The following ADAMTS20 variants were observed in gnomAD, a reference collection of about 807,000 sequenced individuals.
ADAMTS20 encodes A disintegrin and metalloproteinase with thrombospondin motifs 20.
ADAMTS20 carries 225 observed loss-of-function variants against 260.1 expected under a neutral mutation model. The observed-to-expected ratio is 0.87, with a 90% CI of 0.78 to 0.97. The LOEUF is 0.97. Among genes scored for constraint, ADAMTS20 ranks in the 50% least tolerant of loss-of-function variants. The pLI is 0.00. For synonymous variants in ADAMTS20, 802 were observed against 769.5 expected (o/e 1.04, Z -0.70); for missense variants, 2,400 against 2,337.7 (o/e 1.03, Z -0.55).
At chr12:43,507,145 T>C (rs774501913) in intron 3 of ADAMTS20, among the ~76,000 whole-genome samples, 5 of 152,208 alleles carry the variant, frequency 3.3e-5, no homozygotes, top group Non-Finnish European at 4.4e-5. Context: ...TGTGAGGTGA[T>C]GATGTGTTAA....
intron 14 of ADAMTS20, among the ~76,000 whole-genome samples, chr12:43,449,016 AC>A (rs1358622367): frequency 6.6e-6 from 1 of 152,176 alleles, no homozygotes; most frequent in African/African-American, 2.4e-5. Context: ...AGAAAAGAGA[AC>A]GGTTATACAC....
At chr12:43,455,324 A>G (rs1469117260) in intron 11 of ADAMTS20, among the ~76,000 whole-genome samples, 1 of 152,226 alleles carries the variant, frequency 6.6e-6, no homozygotes, top group Non-Finnish European at 1.5e-5. Flanking sequence ...ACAGAAATTC[A>G]TTTCCCACAG....
chr12:43,493,348 G>A (rs564860073), intron 4 of ADAMTS20, 95 bp from the exon 5 acceptor site: 36 of 834,262 alleles, frequency 4.3e-5, no homozygotes, highest in South Asian at 3.9e-4. Context: ...TTCTCTAATT[G>A]CACTGCACGT....
chr12:43,481,571 C>A (rs1221216516), intron 7 of ADAMTS20, among the ~76,000 whole-genome samples: 2 of 151,992 alleles, frequency 1.3e-5, no homozygotes, highest in Admixed American at 6.6e-5. Context: ...ACATAACAAT[C>A]AAAAAGAATC....
At chr12:43,410,345 T>C (rs1379292624) in intron 28 of ADAMTS20, among the ~76,000 whole-genome samples, 2 of 152,084 alleles carry the variant, frequency 1.3e-5, no homozygotes. Flanking sequence ...AGAAAAACCA[T>C]TCATGGAGAT....
intron 31 of ADAMTS20, among the ~76,000 whole-genome samples, chr12:43,378,231 A>G (rs1940273024): frequency 6.6e-6 from 1 of 152,216 alleles, no homozygotes; most frequent in Non-Finnish European, 1.5e-5. Context: ...ACAAAGTGAC[A>G]CTATAAAATC....
At chr12:43,408,657 TTAA>T (rs1940964870) in intron 28 of ADAMTS20, among the ~76,000 whole-genome samples, 1 of 152,174 alleles carries the variant, frequency 6.6e-6, no homozygotes, top group Non-Finnish European at 1.5e-5. Flanking sequence ...ACTGCACATA[TTAA>T]TGTCTGTTTT....
At chr12:43,380,957 G>A (rs2137221077) in intron 31 of ADAMTS20, among the ~76,000 whole-genome samples, 1 of 152,180 alleles carries the variant, frequency 6.6e-6, no homozygotes, top group East Asian at 1.9e-4. Context: ...AAAAAAGTTG[G>A]TTCACTCATA....
At chr12:43,358,605 G>A (rs376014852) in intron 37 of ADAMTS20, among the ~76,000 whole-genome samples, 32 of 151,814 alleles carry the variant, frequency 2.1e-4, no homozygotes, top group African/African-American at 5.6e-4. Flanking sequence ...TTGGGAGGCC[G>A]AGACGGGCGG....
At chr12:43,522,587 C>T (rs373026207) in intron 3 of ADAMTS20, among the ~76,000 whole-genome samples, 14 of 152,098 alleles carry the variant, frequency 9.2e-5, no homozygotes, top group Non-Finnish European at 1.8e-4. Context: ...TGTGATCTGC[C>T]CTTAGAGACA....
At chr12:43,405,736 AGTTTTCTGATT>A (rs1453249760) in intron 28 of ADAMTS20, among the ~76,000 whole-genome samples, 1 of 152,124 alleles carries the variant, frequency 6.6e-6, no homozygotes, top group Non-Finnish European at 1.5e-5. Flanking sequence ...TGGCTTTTGA[AGTTTTCTGATT>A]GTTTTTCAAA....
rs770036032 is a variant in ADAMTS20 at position 43,425,585 on chromosome 12, G to A, written c.4213C>T (p.Pro1405Ser). The A allele has an allele frequency of 9.9e-6, 16 of 1,610,126 alleles. No homozygotes were observed. In the South Asian group the frequency reaches 1.7e-4, roughly 17 times the overall value. Residue 1405 changes from proline (P) to serine (S), a missense_variant, in exon 28 of 39, where the codon CCT (proline) becomes TCT (serine). Transcript: ENST00000389420. ...TGCATATGACACTGTATTACGCTAG[G>A]TGGCTTGTTTACAATTTCACAGTTG... is the stretch of plus-strand genomic sequence containing the variant. ...DHNCEIVNKPPSVIQCHMHAC... is the reference protein window; with the variant it reads ...DHNCEIVNKPSSVIQCHMHAC...
At chr12:43,471,061 T>A (rs546067410) in intron 7 of ADAMTS20, among the ~76,000 whole-genome samples, 1 of 152,206 alleles carries the variant, frequency 6.6e-6, no homozygotes, top group African/African-American at 2.4e-5. Context: ...TTTCTGCATT[T>A]CCATCTGAGG....
Position 43,551,992 on chromosome 12 carries a change from G to A in ADAMTS20, c.-71C>T. On this transcript the variant is annotated 5_prime_UTR_variant, in exon 1 of 39. Transcript: ENST00000389420. The surrounding 1 kb of genome is among the most constrained non-coding windows in gnomAD (Gnocchi z 4.6). Reference sequence around the variant, plus strand: ...CGGCAGCCAAGCCGGCTTCCCTCGCGCTCCGATCCCTCTCCTCCCTCTCGC... The same window carrying A: ...CGGCAGCCAAGCCGGCTTCCCTCGCACTCCGATCCCTCTCCTCCCTCTCGC... 3 of 1,324,098 alleles carry A rather than the reference G, an allele frequency of 2.3e-6. No homozygotes were observed. The highest frequency in any genetic ancestry group is 2.4e-5 in the South Asian group (2 of 84,630). 82.0% of individuals were successfully genotyped at this position (1,324,098 alleles called of 1,614,324 possible).
In ADAMTS20 at chr12:43,386,255, GC is replaced by G. The variant is rs1222551960; in HGVS notation, c.4453-2279del. Among the ~76,000 whole-genome samples the G allele has an allele frequency of 3.9e-5, 6 of 152,140 alleles. No homozygotes were observed. In the South Asian group the frequency reaches 8.3e-4, roughly 21 times the overall value. ...TCCTTTGCTTACGAAGCTTAGTTTG[GC>G]TGGATATGAAATTCTGGGTTGAAAA... On this transcript the variant is annotated intron_variant, in intron 29 of 38. Coordinates refer to ENST00000389420, the MANE Select transcript of ADAMTS20 (RefSeq NM_025003.5).
chr12:43,426,275 G>T (rs1227453397), intron 27 of ADAMTS20, among the ~76,000 whole-genome samples: 3 of 152,068 alleles, frequency 2.0e-5, no homozygotes, highest in Non-Finnish European at 4.4e-5. Flanking sequence ...ATCTCTATTT[G>T]GACATATAAT....
chr12:43,490,671 T>A (rs1942586683), intron 6 of ADAMTS20, among the ~76,000 whole-genome samples: 1 of 152,076 alleles, frequency 6.6e-6, no homozygotes. Flanking sequence ...ATTAACCAAG[T>A]TCAATGAAAA....
At chr12:43,466,941 C>T in intron 8 of ADAMTS20, 146 bp from the exon 9 acceptor site, 1 of 599,088 alleles carries the variant, frequency 1.7e-6, no homozygotes, top group Non-Finnish European at 2.7e-6. Flanking sequence ...ATCCATAAGG[C>T]CTTAACAGTG....
chr12:43,375,911 A>G (rs1395020537), intron 35 of ADAMTS20, 146 bp downstream of exon 35: 12 of 631,194 alleles, frequency 1.9e-5, no homozygotes, highest in African/African-American at 3.7e-5. Context: ...CATTAACAAC[A>G]TCTAGTTTAG....
Sources: allele counts gnomAD v4.1 joint callset (sites outside exome capture counted in the v4.1 genomes callset), GRCh38; gene constraint gnomAD v4.1.1; non-coding constraint Gnocchi (gnomAD v3.1); transcripts MANE v1.5; gene names NCBI Gene and HGNC (gene_info 2026-07-23, HGNC 2026-07-21).